NRXN3: variants seen among roughly 807,000 people sequenced by gnomAD.
NRXN3 encodes neurexin III.
A neutral mutation model predicts 137.6 loss-of-function variants in NRXN3; 32 were observed. That is an observed-to-expected ratio of 0.23 (90% CI 0.18 to 0.31). The LOEUF is 0.31. Ranked by LOEUF, NRXN3 falls within the 10% of genes least tolerant of loss-of-function variation. The pLI, the probability that NRXN3 is intolerant of heterozygous loss-of-function variation, is 1.00. For missense variants in NRXN3, 1,574 were observed against 2,062.5 expected (o/e 0.76, Z 4.59); for synonymous variants, 798 against 784.5 (o/e 1.02, Z -0.29).
chr14:78,991,292 A>T (rs1418378909), intron 15 of NRXN3, among the ~76,000 whole-genome samples: 1 of 152,236 alleles, frequency 6.6e-6, no homozygotes, highest in African/African-American at 2.4e-5. Context: ...AATAACAGAA[A>T]TGGGTCACAG....
At chr14:78,486,112 G>A (rs1326598514) in intron 4 of NRXN3, among the ~76,000 whole-genome samples, 1 of 152,206 alleles carries the variant, frequency 6.6e-6, no homozygotes, top group African/African-American at 2.4e-5. Flanking sequence ...AATTATTGTT[G>A]AAGCTGAGCA....
At chr14:79,492,887 A>G (rs2096730767) in intron 16 of NRXN3, among the ~76,000 whole-genome samples, 1 of 152,212 alleles carries the variant, frequency 6.6e-6, no homozygotes, top group African/African-American at 2.4e-5. Context: ...GTTTCCTTCC[A>G]GAAAGCATGT....
chr14:78,222,311 A>G (rs2063932620), intron 1 of NRXN3, among the ~76,000 whole-genome samples: 1 of 144,542 alleles, frequency 6.9e-6, no homozygotes, highest in Admixed American at 6.9e-5. Context: ...AGCCTTAGGA[A>G]TAAAGGGCAC....
Position 79,816,447 on chromosome 14 carries a change from C to T in NRXN3, c.4093+11257C>T, listed in dbSNP as rs1172423844. On this transcript the variant is annotated intron_variant, in intron 20 of 20. Coordinates refer to ENST00000335750, the MANE Select transcript of NRXN3 (RefSeq NM_001330195.2). ...CAATGGCAAAATGAAGACAGTGAAG[C>T]AAAATTAGAACTCCTGATTACTCTG... Among the ~76,000 whole-genome samples, 3 of 152,124 alleles carry T rather than the reference C, an allele frequency of 2.0e-5. No individual in the cohort carries two copies. In the East Asian group the frequency reaches 5.8e-4, roughly 29 times the overall value.
intron 17 of NRXN3, among the ~76,000 whole-genome samples, chr14:79,691,279 A>T (rs1845519219): frequency 1.3e-5 from 2 of 152,026 alleles, no homozygotes; most frequent in South Asian, 4.1e-4. Context: ...TGCTTGGAAG[A>T]AGTATTCCTA....
chr14:79,699,653 G>T (rs1024023846), intron 19 of NRXN3, among the ~76,000 whole-genome samples: 1 of 151,912 alleles, frequency 6.6e-6, no homozygotes, highest in African/African-American at 2.4e-5. Context: ...AGAAAAGTAG[G>T]GTACAAGATA....
chr14:78,473,025 G>A (rs1371990564), intron 4 of NRXN3, among the ~76,000 whole-genome samples: 2 of 150,640 alleles, frequency 1.3e-5, no homozygotes, highest in African/African-American at 4.9e-5. Context: ...CAACTCCCCT[G>A]GCAAGTAGAG....
intron 10 of NRXN3, among the ~76,000 whole-genome samples, chr14:78,950,513 C>T (rs1392584418): frequency 6.6e-6 from 1 of 151,912 alleles, no homozygotes; most frequent in Non-Finnish European, 1.5e-5. Flanking sequence ...CCAGTGTTTG[C>T]TTTGTAATGT....
intron 15 of NRXN3, among the ~76,000 whole-genome samples, chr14:79,398,531 A>G (rs2095093526): frequency 6.6e-6 from 1 of 152,016 alleles, no homozygotes; most frequent in Non-Finnish European, 1.5e-5. Context: ...ATGAGACACT[A>G]GTAACAAAGA....
chr14:79,202,074 CT>C (rs557399504), intron 15 of NRXN3, among the ~76,000 whole-genome samples: 5,846 of 142,818 alleles, frequency 0.041, 238 homozygotes, highest in East Asian at 0.098. Context: ...TGTGTGTTAT[CT>C]TTTTTTTTTT....
intron 15 of NRXN3, among the ~76,000 whole-genome samples, chr14:79,324,582 T>G (rs1429582054): frequency 6.6e-6 from 1 of 152,098 alleles, no homozygotes; most frequent in African/African-American, 2.4e-5. Flanking sequence ...TAGAGATGAA[T>G]TAGGAGAGTA....
intron 10 of NRXN3, among the ~76,000 whole-genome samples, chr14:78,939,044 A>G (rs942130895): frequency 6.6e-6 from 1 of 151,306 alleles, no homozygotes; most frequent in African/African-American, 2.4e-5. Context: ...ACGGGGTTTC[A>G]CCGTGTTAGC....
intron 1 of NRXN3, among the ~76,000 whole-genome samples, chr14:78,185,717 G>T (rs2060175073): frequency 6.6e-6 from 1 of 152,176 alleles, no homozygotes; most frequent in African/African-American, 2.4e-5. Context: ...CAGCTTGAGA[G>T]CTCACACCAG....
At chr14:79,393,684 G>C (rs12434144) in intron 15 of NRXN3, among the ~76,000 whole-genome samples, 52,766 of 151,876 alleles carry the variant, frequency 0.35, 9,420 homozygotes, top group Admixed American at 0.4. Context: ...GCGTGGTGGC[G>C]GGCGCCTATA....
intron 16 of NRXN3, among the ~76,000 whole-genome samples, chr14:79,543,598 A>G (rs2097293736): frequency 6.6e-6 from 1 of 152,188 alleles, no homozygotes; most frequent in Non-Finnish European, 1.5e-5. Flanking sequence ...TGTATTTGGC[A>G]TGACAAGGTT....
chr14:78,444,615 C>T (rs915455898), intron 4 of NRXN3, among the ~76,000 whole-genome samples: 1 of 151,968 alleles, frequency 6.6e-6, no homozygotes, highest in African/African-American at 2.4e-5. Flanking sequence ...ATCTGATGTC[C>T]ATTATCATTT....
At chr14:79,828,323 G>GA (rs1407323455) in intron 20 of NRXN3, among the ~76,000 whole-genome samples, 1 of 151,888 alleles carries the variant, frequency 6.6e-6, no homozygotes, top group African/African-American at 2.4e-5. Context: ...AGGTTGGCTA[G>GA]AAAAAAAGTG....
At chr14:78,790,771 C>G (rs2098802966) in intron 8 of NRXN3, among the ~76,000 whole-genome samples, 1 of 152,148 alleles carries the variant, frequency 6.6e-6, no homozygotes, top group Non-Finnish European at 1.5e-5. Context: ...AGAGTGTCTT[C>G]TTTTCACAGG....
intron 6 of NRXN3, among the ~76,000 whole-genome samples, chr14:78,709,008 A>G (rs149729998): frequency 2.4e-4 from 36 of 152,324 alleles, no homozygotes; most frequent in Admixed American, 1.4e-3. Flanking sequence ...GAAATTCTGT[A>G]GAAATATAGA....
Sources: allele counts gnomAD v4.1 joint callset (sites outside exome capture counted in the v4.1 genomes callset), GRCh38; gene constraint gnomAD v4.1.1; transcripts MANE v1.5; gene names NCBI Gene and HGNC (gene_info 2026-07-23, HGNC 2026-07-21).